Variants in SARNP observed in about 807,000 individuals in gnomAD.
SARNP encodes the protein SAP domain containing ribonucleoprotein, also known as SAP domain-containing ribonucleoprotein.
A neutral mutation model predicts 38.1 loss-of-function variants in SARNP; 5 were observed. The observed-to-expected ratio is 0.13, with a 90% CI of 0.07 to 0.28. The LOEUF (loss-of-function observed/expected upper bound fraction) is 0.28. SARNP is among the 10% of genes least tolerant of loss of function. The probability of loss-of-function intolerance (pLI) is 1.00; values close to 1 mark genes in which losing one functional copy is unlikely to be tolerated. For synonymous variants in SARNP, 84 were observed against 80.6 expected (o/e 1.04, Z -0.23); for missense variants, 180 against 243.9 (o/e 0.74, Z 1.75).
Position 55,790,728 on chromosome 12 carries a change from T to C in SARNP, c.407-136A>G, listed in dbSNP as rs572141926. 174 of 862,622 alleles carry C rather than the reference T, an allele frequency of 2.0e-4. No individual in the cohort carries two copies. In the African/African-American group the frequency reaches 2.9e-3, roughly 15 times the overall value. 53.4% of individuals were successfully genotyped at this position (862,622 alleles called of 1,614,324 possible). On this transcript the variant is annotated intron_variant, in intron 7 of 10. Transcript: ENST00000336133. ...AAAAGGCAGAAATTGCATGTAGCGATCATGTCTGCATTCACTGCTAGCAGG... is the reference window on the plus strand; with the variant it reads ...AAAAGGCAGAAATTGCATGTAGCGACCATGTCTGCATTCACTGCTAGCAGG...
rs916909353 is a variant in SARNP, at chr12:55,780,670, CA to C, written c.501+8404del. ...GGGCAACAAGTGCAAAACTCTGTCTCAAAAAAAAAAAATTATAACAATATGC... is the reference window on the plus strand; with the variant it reads ...GGGCAACAAGTGCAAAACTCTGTCTCAAAAAAAAAAATTATAACAATATGC... On this transcript the variant is annotated intron_variant, in intron 9 of 10. Transcript: ENST00000336133. Among the ~76,000 whole-genome samples, 86 of 142,554 alleles carry C rather than the reference CA, an allele frequency of 6.0e-4. 1 individual carries two copies. In the Middle Eastern group the frequency reaches 0.017, roughly 29 times the overall value. The allele number at this position is 142,554 out of a possible 152,430, so 93.5% of individuals were successfully genotyped here. A position where few individuals can be genotyped will look rare whatever the true frequency, so the allele number is the denominator to read the frequency against.
chr12:55,803,513 G>T, intron 2 of SARNP, 116 bp downstream of exon 2: 1 of 551,368 alleles, frequency 1.8e-6, no homozygotes, highest in Non-Finnish European at 3.1e-6. Flanking sequence ...TTTTCTTGAT[G>T]CCGTTAATTA....
intron 9 of SARNP, among the ~76,000 whole-genome samples, chr12:55,785,043 A>G (rs1243517611): frequency 1.3e-5 from 2 of 152,232 alleles, no homozygotes; most frequent in African/African-American, 4.8e-5. Flanking sequence ...CCAGAAATTG[A>G]AAATGTTAAG....
intron 9 of SARNP, among the ~76,000 whole-genome samples, chr12:55,776,859 G>A (rs922898020): frequency 6.6e-6 from 1 of 152,092 alleles, no homozygotes; most frequent in African/African-American, 2.4e-5. Flanking sequence ...CCCATCTCAA[G>A]AACCAGGCTG....
intron 10 of SARNP, 47 bp downstream of exon 10, chr12:55,760,504 T>C (rs751195998): frequency 9.8e-7 from 1 of 1,022,714 alleles, no homozygotes; most frequent in South Asian, 1.3e-5. Flanking sequence ...GTTTATTCAC[T>C]CTAATTTCCC....
chr12:55,803,804 G>A (rs1880056556), intron 1 of SARNP, 76 bp from the exon 2 acceptor site: 3 of 952,004 alleles, frequency 3.2e-6, no homozygotes, highest in African/African-American at 1.6e-5. Context: ...TTCCCACAAG[G>A]AAAAGAAAAA....
intron 9 of SARNP, among the ~76,000 whole-genome samples, chr12:55,764,451 A>T (rs1489521668): frequency 6.6e-6 from 1 of 151,634 alleles, no homozygotes; most frequent in East Asian, 1.9e-4. Flanking sequence ...GAAGCGCTTG[A>T]ACCCGGGAGG....
At chr12:55,788,972 T>C in intron 9 of SARNP, 103 bp downstream of exon 9, 1 of 762,066 alleles carries the variant, frequency 1.3e-6, no homozygotes, top group East Asian at 2.6e-5. Context: ...AATGAAATGC[T>C]TTGTAGCCAG....
At chr12:55,807,316 AC>A (rs1345427480) in intron 1 of SARNP, among the ~76,000 whole-genome samples, 1 of 152,032 alleles carries the variant, frequency 6.6e-6, no homozygotes, top group Non-Finnish European at 1.5e-5. Flanking sequence ...ATGGACCAGC[AC>A]CCCAAGGACT....
rs568784347 is a variant in SARNP, at chr12:55,817,653, C to T, written c.36+13G>A. On this transcript the variant is annotated intron_variant, in intron 1 of 10. Coordinates refer to ENST00000336133, the MANE Select transcript of SARNP (RefSeq NM_033082.4). The stretch of plus-strand genomic sequence containing the variant: ...AGAAAAGTCCAACTCAGCCCTTCCC[C>T]GATTCACGGTACCTTTAGCTTATGG... 1.9e-6 allele frequency: 3 copies of T among 1,610,730 alleles called. No individual in the cohort carries two copies. Among genetic ancestry groups the T allele is most frequent in the Non-Finnish European group, 2.5e-6 (3 of 1,178,444 alleles).
intron 9 of SARNP, among the ~76,000 whole-genome samples, chr12:55,770,372 G>A (rs575214871): frequency 2.7e-5 from 4 of 149,246 alleles, no homozygotes; most frequent in South Asian, 4.2e-4. Context: ...ACTTACAGGC[G>A]CCCACCACCA....
chr12:55,769,757 C>T (rs1565672128), intron 9 of SARNP, among the ~76,000 whole-genome samples: 1 of 152,198 alleles, frequency 6.6e-6, no homozygotes. Flanking sequence ...TGTTCACTTT[C>T]GGTATTCAAT....
intron 1 of SARNP, among the ~76,000 whole-genome samples, chr12:55,809,837 T>C (rs1272615970): frequency 1.3e-5 from 2 of 152,102 alleles, no homozygotes; most frequent in Non-Finnish European, 2.9e-5. Flanking sequence ...CTCTGTATAA[T>C]GTGTATAAAC....
chr12:55,755,860 G>C (rs1307623512), downstream of SARNP: 2 of 152,148 alleles, frequency 1.3e-5, no homozygotes, highest in Admixed American at 6.5e-5. Flanking sequence ...GATGAGTGAG[G>C]AGAATAATTA....
chr12:55,776,870 G>A (rs763364740), intron 9 of SARNP, among the ~76,000 whole-genome samples: 2 of 152,274 alleles, frequency 1.3e-5, no homozygotes, highest in Admixed American at 6.5e-5. Context: ...AACCAGGCTG[G>A]CAAAAACAAC....
At chr12:55,776,196 G>T (rs1879175733) in intron 9 of SARNP, among the ~76,000 whole-genome samples, 1 of 152,124 alleles carries the variant, frequency 6.6e-6, no homozygotes, top group Admixed American at 6.6e-5. Context: ...TGCAATCCAA[G>T]CACTTTGAGA....
At chr12:55,815,707 G>A (rs756567376) in intron 1 of SARNP, among the ~76,000 whole-genome samples, 18 of 152,038 alleles carry the variant, frequency 1.2e-4, no homozygotes, top group Non-Finnish European at 2.2e-4. Context: ...CAAGCAATCC[G>A]CCCGCCTAGG....
chr12:55,803,313 G>A (rs375522223), intron 2 of SARNP, among the ~76,000 whole-genome samples: 4 of 151,770 alleles, frequency 2.6e-5, no homozygotes, highest in African/African-American at 7.3e-5. Flanking sequence ...GTGAAACCCC[G>A]TCTCTACTAA....
chr12:55,760,723 C>T (rs1878649560), intron 9 of SARNP, 83 bp from the exon 10 acceptor site: 1 of 940,280 alleles, frequency 1.1e-6, no homozygotes, highest in Admixed American at 1.8e-5. Flanking sequence ...ACTTATTGGT[C>T]ACAAGGTGCT....
Sources: gnomAD v4.1 joint callset for allele counts (sites outside exome capture counted in the v4.1 genomes callset) on GRCh38, gnomAD v4.1.1 for gene constraint, MANE v1.5 for transcripts, NCBI Gene and HGNC (gene_info 2026-07-23, HGNC 2026-07-21) for gene names.